The following ZBTB7C variants were observed in gnomAD, a reference collection of about 807,000 sequenced individuals.
ZBTB7C encodes zinc finger and BTB domain-containing protein 7C.
ZBTB7C carries 8 observed loss-of-function variants against 25.7 expected under a neutral mutation model. The observed-to-expected ratio is 0.31, with a 90% confidence interval of 0.18 to 0.56. ZBTB7C has a LOEUF of 0.56. Among genes scored for constraint, ZBTB7C ranks in the 20% least tolerant of loss-of-function variants. The pLI is 0.91. For missense variants in ZBTB7C, 824 were observed against 855.2 expected (o/e 0.96, Z 0.46); for synonymous variants, 394 against 369.0 (o/e 1.07, Z -0.78).
intron 2 of ZBTB7C, among the ~76,000 whole-genome samples, chr18:48,309,219 C>T (rs537047670): frequency 4.3e-4 from 66 of 152,348 alleles, no homozygotes; most frequent in African/African-American, 1.5e-3. Context: ...CCGGAGACCA[C>T]TAGTCTCCAT....
intron 2 of ZBTB7C, among the ~76,000 whole-genome samples, chr18:48,274,464 C>G (rs1409694148): frequency 3.3e-5 from 5 of 152,188 alleles, no homozygotes; most frequent in African/African-American, 9.7e-5. Flanking sequence ...TTTCTGCCAT[C>G]TCTACCAGGA....
At chr18:48,059,869 C>T (rs551396412) in intron 3 of ZBTB7C, among the ~76,000 whole-genome samples, 3 of 152,156 alleles carry the variant, frequency 2.0e-5, no homozygotes, top group Non-Finnish European at 4.4e-5. Context: ...CCCCAGAGGT[C>T]CATCCCCCCA....
intron 2 of ZBTB7C, among the ~76,000 whole-genome samples, chr18:48,225,340 G>A (rs967697469): frequency 5.9e-5 from 9 of 151,796 alleles, no homozygotes; most frequent in African/African-American, 1.9e-4. Context: ...AGGAGAGGGA[G>A]AGAGAATGTA....
At chr18:48,299,758 T>A (rs149199314) in intron 2 of ZBTB7C, among the ~76,000 whole-genome samples, 1 of 152,312 alleles carries the variant, frequency 6.6e-6, no homozygotes, top group African/African-American at 2.4e-5. Context: ...AAAGGCCCTG[T>A]GGGGAGAGAG....
intron 2 of ZBTB7C, among the ~76,000 whole-genome samples, chr18:48,212,227 C>A (rs1043034351): frequency 6.6e-6 from 1 of 152,032 alleles, no homozygotes; most frequent in African/African-American, 2.4e-5. Context: ...TTTAAAAAGT[C>A]AGTCTGGAAA....
At chr18:48,137,430 T>C in intron 3 of ZBTB7C, 2 of 516,288 alleles carry the variant, frequency 3.9e-6, no homozygotes, top group East Asian at 3.0e-4. Context: ...CCACTCTCCT[T>C]CTCTAGTACT....
intron 3 of ZBTB7C, among the ~76,000 whole-genome samples, chr18:48,133,841 A>T (rs939427941): frequency 6.6e-6 from 1 of 152,122 alleles, no homozygotes; most frequent in Non-Finnish European, 1.5e-5. Context: ...TTCCCAGCCA[A>T]AGGAAAATAA....
intron 3 of ZBTB7C, among the ~76,000 whole-genome samples, chr18:48,060,388 C>G (rs1310593998): frequency 6.6e-6 from 1 of 152,120 alleles, no homozygotes; most frequent in Non-Finnish European, 1.5e-5. Context: ...ATCTAGCTCC[C>G]AAACCTTGGC....
At chr18:48,268,019 G>A (rs376501466) in intron 2 of ZBTB7C, among the ~76,000 whole-genome samples, 1 of 152,282 alleles carries the variant, frequency 6.6e-6, no homozygotes, top group African/African-American at 2.4e-5. Context: ...GATGTGAATT[G>A]CAAGTACTCT....
intron 3 of ZBTB7C, among the ~76,000 whole-genome samples, chr18:48,135,984 GACA>G (rs2040142366): frequency 6.6e-6 from 1 of 152,238 alleles, no homozygotes; most frequent in Non-Finnish European, 1.5e-5. Flanking sequence ...ACACAGCCAG[GACA>G]ACGGAAGCCA....
At chr18:48,122,917 C>A (rs1568236258) in intron 3 of ZBTB7C, among the ~76,000 whole-genome samples, 1 of 152,212 alleles carries the variant, frequency 6.6e-6, no homozygotes, top group Non-Finnish European at 1.5e-5. Context: ...CCGCCCCCCA[C>A]TCCCAACACA....
chr18:48,186,654 G>A (rs1306266398), intron 2 of ZBTB7C, among the ~76,000 whole-genome samples: 3 of 152,158 alleles, frequency 2.0e-5, no homozygotes, highest in Non-Finnish European at 2.9e-5. Context: ...GCCTGAGTGT[G>A]TCATCACTGT....
intron 3 of ZBTB7C, among the ~76,000 whole-genome samples, chr18:48,068,171 C>T (rs1440148176): frequency 7.1e-6 from 1 of 141,494 alleles, no homozygotes; most frequent in East Asian, 2.1e-4. Context: ...TGGAGTCTCA[C>T]TCTGTTGCCC....
At chr18:48,154,482 G>A (rs1410780030) in intron 3 of ZBTB7C, among the ~76,000 whole-genome samples, 2 of 152,212 alleles carry the variant, frequency 1.3e-5, no homozygotes, top group Non-Finnish European at 2.9e-5. Flanking sequence ...GCCTATAGCT[G>A]CCGTTCTTTC....
intron 4 of ZBTB7C, among the ~76,000 whole-genome samples, chr18:48,032,528 G>A (rs571604595): frequency 1.3e-3 from 186 of 140,258 alleles, no homozygotes; most frequent in African/African-American, 4.7e-3. Flanking sequence ...TCCGCATCCC[G>A]GGTTCACACA....
intron 2 of ZBTB7C, among the ~76,000 whole-genome samples, chr18:48,318,330 C>T (rs1490965485): frequency 6.6e-6 from 1 of 152,196 alleles, no homozygotes; most frequent in Non-Finnish European, 1.5e-5. Flanking sequence ...CACAAGTCCT[C>T]CCCTGCCCCC....
intron 2 of ZBTB7C, among the ~76,000 whole-genome samples, chr18:48,328,042 C>T (rs952795097): frequency 4.0e-5 from 6 of 151,658 alleles, no homozygotes; most frequent in South Asian, 2.1e-4. Flanking sequence ...ATTAGCCGGG[C>T]GTGGTGGCGG....
chr18:48,345,510 A>C, intron 1 of ZBTB7C, among the ~76,000 whole-genome samples: 1 of 151,824 alleles, frequency 6.6e-6, no homozygotes, highest in African/African-American at 2.4e-5. Context: ...TGCCCTGCGC[A>C]CTTCTGTTGT....
intron 3 of ZBTB7C, among the ~76,000 whole-genome samples, chr18:48,127,935 C>T (rs996546431): frequency 3.3e-5 from 5 of 152,196 alleles, no homozygotes; most frequent in Admixed American, 1.3e-4. Flanking sequence ...TCCACAAGGG[C>T]CGGCCAGAGG....
Sources: allele counts gnomAD v4.1 joint callset (sites outside exome capture counted in the v4.1 genomes callset), GRCh38; gene constraint gnomAD v4.1.1; transcripts MANE v1.5; gene names NCBI Gene and HGNC (gene_info 2026-07-23, HGNC 2026-07-21).